HERC1: variants seen among roughly 807,000 people sequenced by gnomAD.
HERC1 encodes HECT and RLD domain containing E3 ubiquitin protein ligase family member 1.
Under a neutral mutation model 554.3 loss-of-function variants are expected in HERC1, and 160 were observed. The observed-to-expected ratio is 0.29, with a 90% CI of 0.25 to 0.33. The LOEUF (loss-of-function observed/expected upper bound fraction) is 0.33. Among genes scored for constraint, HERC1 ranks in the 10% least tolerant of loss-of-function variants. HERC1 has a pLI of 1.00. For synonymous variants in HERC1, 2,175 were observed against 2,131.7 expected, an observed-to-expected ratio of 1.02 and a Z score of -0.56; for missense variants, 4,919 against 5,918.5, an observed-to-expected ratio of 0.83 and a Z score of 5.54.
intron 2 of HERC1, among the ~76,000 whole-genome samples, chr15:63,765,611 A>C (rs2075750224): frequency 6.6e-6 from 1 of 152,110 alleles, no homozygotes; most frequent in Non-Finnish European, 1.5e-5. Context: ...TGTAACCCAC[A>C]CATTCCACTA....
intron 1 of HERC1, among the ~76,000 whole-genome samples, chr15:63,824,533 C>CA (rs34774319): frequency 0.8 from 105,467 of 131,800 alleles, 43,035 homozygotes; most frequent in Non-Finnish European, 0.87. Context: ...GACTCCATCT[C>CA]AAAAAAAAAA....
In HERC1 at chr15:63,634,716, A is replaced by C; in HGVS notation, c.12570+17T>G. On this transcript the variant is annotated intron_variant, in intron 66 of 77. Coordinates refer to ENST00000443617, the MANE Select transcript of HERC1 (RefSeq NM_003922.4). ...AAACAATGATCAGCTAGAATATCTT[A>C]TTGATTTATTCCATGCCTGTCCAAT... 1.9e-6 allele frequency: 3 copies of C among 1,604,028 alleles called. No homozygotes were observed. Among genetic ancestry groups the C allele is most frequent in the Middle Eastern group, 3.3e-4 (2 of 6,042 alleles).
chr15:63,614,135 G>A (rs2067716366), intron 76 of HERC1, among the ~76,000 whole-genome samples: 1 of 152,190 alleles, frequency 6.6e-6, no homozygotes, highest in Non-Finnish European at 1.5e-5. Flanking sequence ...GAAAGAGGAG[G>A]AAGGGCTTGT....
At chr15:63,754,028 G>A (rs1046879736) in intron 7 of HERC1, among the ~76,000 whole-genome samples, 4 of 152,046 alleles carry the variant, frequency 2.6e-5, no homozygotes, top group Admixed American at 2.0e-4. Context: ...ACAAAACTTA[G>A]TCAGGCATGG....
intron 12 of HERC1, among the ~76,000 whole-genome samples, chr15:63,746,413 TG>T (rs2075056999): frequency 6.6e-6 from 1 of 152,236 alleles, no homozygotes; most frequent in African/African-American, 2.4e-5. Flanking sequence ...AATTTAACAT[TG>T]TATTATAATA....
rs35098067 is a variant in HERC1 at position 63,690,639 on chromosome 15, G to C, written c.5839C>G (p.Leu1947Val). ...ASQKCSSGIP[L>V]VGNLRTRLLA... ...AGCCTTGTTCTTAAGTTACCAACCA[G>C]AGGGATACCTGGAGGGGAAAAGACC... is the stretch of plus-strand genomic sequence containing the variant. The change falls in exon 32 of 78, where the codon CTG becomes GTG. Residue 1947 changes from leucine to valine, a missense_variant. Transcript: ENST00000443617. The C allele has an allele frequency of 1.3e-6, 2 of 1,588,944 alleles. No homozygotes were observed. The highest frequency in any genetic ancestry group is 1.7e-6 in the Non-Finnish European group (2 of 1,159,526).
At chr15:63,833,521 G>C (rs1027506021) in intron 1 of HERC1, among the ~76,000 whole-genome samples, 1 of 152,094 alleles carries the variant, frequency 6.6e-6, no homozygotes, top group African/African-American at 2.4e-5. Flanking sequence ...TAAGCCGCTG[G>C]AGGGGCGGGT....
At chr15:63,817,196 T>C (rs1031724934) in intron 1 of HERC1, among the ~76,000 whole-genome samples, 23 of 152,134 alleles carry the variant, frequency 1.5e-4, no homozygotes, top group African/African-American at 4.8e-4. Flanking sequence ...ATGAACCTTA[T>C]TTGGATGTCA....
intron 11 of HERC1, 34 bp downstream of exon 11, chr15:63,747,690 A>G (rs1482102135): frequency 2.2e-6 from 3 of 1,355,808 alleles, no homozygotes; most frequent in Middle Eastern, 1.8e-4. Context: ...GCGCACACAC[A>G]CACACAAAGA....
At chr15:63,662,855 C>T (rs1293423403) in intron 44 of HERC1, 129 bp downstream of exon 44, 13 of 655,574 alleles carry the variant, frequency 2.0e-5, no homozygotes, top group African/African-American at 3.6e-5. Flanking sequence ...CTTTAAATCC[C>T]CAAACCTCAG....
At chr15:63,782,271 G>A (rs1392197756) in intron 1 of HERC1, among the ~76,000 whole-genome samples, 1 of 152,242 alleles carries the variant, frequency 6.6e-6, no homozygotes, top group African/African-American at 2.4e-5. Context: ...GACAGGTTGA[G>A]TCTCTTGCTA....
chr15:63,793,106 G>T (rs1261460548), intron 1 of HERC1, among the ~76,000 whole-genome samples: 1 of 152,234 alleles, frequency 6.6e-6, no homozygotes, highest in East Asian at 1.9e-4. Context: ...CCCTCTCTGG[G>T]GATGCCACCC....
intron 1 of HERC1, among the ~76,000 whole-genome samples, chr15:63,804,455 G>A (rs562170183): frequency 1.8e-3 from 269 of 151,890 alleles, no homozygotes; most frequent in African/African-American, 5.8e-3. Flanking sequence ...GCATGGTGGC[G>A]GGCGCCTGTC....
chr15:63,633,939 A>G lies in HERC1; in HGVS notation c.12602T>C (p.Val4201Ala), dbSNP rs766986078. The G allele has an allele frequency of 3.7e-6, 6 of 1,613,970 alleles. No homozygotes were observed. The highest frequency in any genetic ancestry group is 2.7e-5 in the African/African-American group (2 of 75,070). Residue 4201 changes from valine (V) to alanine (A), a missense_variant, in exon 67 of 78, where the codon GTG (valine) becomes GCG (alanine). Transcript: ENST00000443617. The stretch of plus-strand genomic sequence containing the variant: ...CCACACCATGGAACCATCTGCTGAC[A>G]CTGCCAAAGTGTGGTTTAATCCACA... ...VACGLNHTLA[V>A]SADGSMVWAF...
intron 1 of HERC1, among the ~76,000 whole-genome samples, chr15:63,801,530 C>T (rs554732804): frequency 6.6e-6 from 1 of 152,302 alleles, no homozygotes; most frequent in African/African-American, 2.4e-5. Context: ...CAATCTTTCA[C>T]ATTAGTCTAT....
chr15:63,691,112 A>T (rs2072080447), intron 31 of HERC1, among the ~76,000 whole-genome samples: 1 of 152,188 alleles, frequency 6.6e-6, no homozygotes, highest in Non-Finnish European at 1.5e-5. Context: ...CCGTCCATGC[A>T]CTGACTGTCT....
intron 32 of HERC1, 79 bp from the exon 33 acceptor site, chr15:63,689,778 T>A (rs758222918): frequency 7.7e-6 from 6 of 779,644 alleles, no homozygotes; most frequent in Non-Finnish European, 1.2e-5. Context: ...TCATGTTAAC[T>A]GTAATATTAA....
At chr15:63,824,207 G>A (rs529162666) in intron 1 of HERC1, among the ~76,000 whole-genome samples, 59 of 152,252 alleles carry the variant, frequency 3.9e-4, no homozygotes, top group African/African-American at 1.4e-3. Context: ...AATTGGAACC[G>A]CCATTATGGA....
Position 63,612,125 on chromosome 15 carries a change from T to G in HERC1, c.14400+126A>C, listed in dbSNP as rs1056991414. 1 of 796,374 alleles carries G rather than the reference T, an allele frequency of 1.3e-6. No individual in the cohort carries two copies. The highest frequency in any genetic ancestry group is 2.7e-5 in the East Asian group (1 of 36,746). The allele number at this position is 796,374 out of a possible 1,614,324, so 49.3% of individuals were successfully genotyped here. On this transcript the variant is annotated intron_variant, in intron 77 of 77. Coordinates refer to ENST00000443617, the MANE Select transcript of HERC1 (RefSeq NM_003922.4). This position sits in a 1 kb window ranked among gnomAD's most constrained non-coding sequence, Gnocchi z 5.0. ...ACTGCTTGAAGCTAGGAAGCGGAGGTTGCAGTAAGCTAAAATCATGCCACT... is the reference window on the plus strand; with the variant it reads ...ACTGCTTGAAGCTAGGAAGCGGAGGGTGCAGTAAGCTAAAATCATGCCACT...
Sources: allele counts gnomAD v4.1 joint callset (sites outside exome capture counted in the v4.1 genomes callset), GRCh38; gene constraint gnomAD v4.1.1; non-coding constraint Gnocchi (gnomAD v3.1); transcripts MANE v1.5; gene names NCBI Gene and HGNC (gene_info 2026-07-23, HGNC 2026-07-21).